KLHL4: variants seen among roughly 807,000 people sequenced by gnomAD.
KLHL4 encodes kelch like family member 4.
KLHL4 carries 17 observed loss-of-function variants against 45.8 expected under a neutral mutation model. The observed-to-expected ratio is 0.37, with a 90% CI of 0.25 to 0.56. KLHL4 has a LOEUF of 0.56. Ranked by LOEUF, KLHL4 falls within the 20% of genes least tolerant of loss-of-function variation. The probability of loss-of-function intolerance (pLI) is 0.79; values close to 1 mark genes in which losing one functional copy is unlikely to be tolerated. For synonymous variants in KLHL4, 224 were observed against 189.9 expected (o/e 1.18, Z -1.47); for missense variants, 544 against 544.9 (o/e 1.00, Z 0.02).
chrX:87,626,856 A>G lies in KLHL4; in HGVS notation c.1324+1060A>G, dbSNP rs761719071. On this transcript the variant is annotated intron_variant, in intron 6 of 10. Transcript: ENST00000373119. ...TGCTGGCCACTTGTAGAAAGAAGCC[A>G]TAATAACAAGAGTGAGGTGCGATAA... is the stretch of plus-strand genomic sequence containing the variant. Among the ~76,000 whole-genome samples, 146 of 111,717 alleles carry G rather than the reference A, an allele frequency of 1.3e-3. 1 individual carries two copies. The highest frequency in any genetic ancestry group is 2.3e-3 in the Non-Finnish European group (122 of 53,125).
At chrX:87,616,264 G>A (rs1176087823) in intron 3 of KLHL4, among the ~76,000 whole-genome samples, 2 of 110,966 alleles carry the variant, frequency 1.8e-5, no homozygotes, top group African/African-American at 6.5e-5. Context: ...TGTAACTCTA[G>A]CGGTATGCAT....
At chrX:87,557,616 TA>T (rs1275285494) in intron 1 of KLHL4, among the ~76,000 whole-genome samples, 15 of 94,203 alleles carry the variant, frequency 1.6e-4, no homozygotes, top group Middle Eastern at 5.0e-3. Flanking sequence ...AAATGTTTAT[TA>T]TTTTTTTTGC....
At chrX:87,553,931 A>C (rs1470302352) in intron 1 of KLHL4, among the ~76,000 whole-genome samples, 1 of 109,201 alleles carries the variant, frequency 9.2e-6, no homozygotes, top group Non-Finnish European at 1.9e-5. Context: ...TCAGCTTTCT[A>C]CATATGGCTA....
At chrX:87,647,394 G>A (rs1206155080) in intron 9 of KLHL4, among the ~76,000 whole-genome samples, 2 of 111,654 alleles carry the variant, frequency 1.8e-5, no homozygotes, top group African/African-American at 3.2e-5. Flanking sequence ...GGTATCTATC[G>A]AGAGGAAAAG....
chrX:87,580,247 T>A (rs5969265), intron 1 of KLHL4, among the ~76,000 whole-genome samples: 45,899 of 105,705 alleles, frequency 0.43, 7,677 homozygotes, highest in East Asian at 0.76. Flanking sequence ...AAGGAATTAA[T>A]GCATATCACT....
intron 10 of KLHL4, among the ~76,000 whole-genome samples, 181 bp from the exon 11 acceptor site, chrX:87,666,294 A>T (rs932239971): frequency 9.0e-6 from 1 of 111,629 alleles, no homozygotes; most frequent in African/African-American, 3.2e-5. Flanking sequence ...TTACCATTCT[A>T]AAGGCTATGT....
intron 1 of KLHL4, among the ~76,000 whole-genome samples, chrX:87,608,089 A>T (rs1313368740): frequency 8.9e-6 from 1 of 111,765 alleles, no homozygotes; most frequent in Non-Finnish European, 1.9e-5. Context: ...AAACCTAGAA[A>T]TCATCTTTGG....
intron 3 of KLHL4, 151 bp from the exon 4 acceptor site, chrX:87,617,781 C>G (rs1922606456): frequency 1.8e-5 from 8 of 438,731 alleles, no homozygotes; most frequent in Admixed American, 4.1e-5. Flanking sequence ...CAGACAGACT[C>G]TCTTGCGTAT....
chrX:87,565,157 G>A (rs1470899421), intron 1 of KLHL4, among the ~76,000 whole-genome samples: 2 of 111,721 alleles, frequency 1.8e-5, no homozygotes, highest in African/African-American at 3.2e-5. Flanking sequence ...GGGGTGCAGT[G>A]AAAGCAGTGA....
At chrX:87,657,873 T>G (rs757461994) in intron 9 of KLHL4, among the ~76,000 whole-genome samples, 1 of 111,780 alleles carries the variant, frequency 8.9e-6, no homozygotes, top group African/African-American at 3.3e-5. Context: ...CAGGTGCAAG[T>G]GCTAGCCCTG....
At chrX:87,648,539 A>G (rs1219686927) in intron 9 of KLHL4, among the ~76,000 whole-genome samples, 1 of 111,530 alleles carries the variant, frequency 9.0e-6, no homozygotes, top group African/African-American at 3.3e-5. Flanking sequence ...AGGCAGAGGG[A>G]AAATTAAACT....
chrX:87,596,974 G>A (rs1386123441), intron 1 of KLHL4, among the ~76,000 whole-genome samples: 1 of 112,444 alleles, frequency 8.9e-6, no homozygotes. Context: ...TCTAGAAAGA[G>A]ATTGGTTTTG....
At chrX:87,611,589 C>A (rs1454214184) in intron 1 of KLHL4, among the ~76,000 whole-genome samples, 2 of 110,434 alleles carry the variant, frequency 1.8e-5, no homozygotes, top group East Asian at 5.6e-4. Context: ...AAAAAGTATA[C>A]CACATACAAT....
At chrX:87,616,124 A>T (rs765323882) in intron 3 of KLHL4, among the ~76,000 whole-genome samples, 1 of 111,256 alleles carries the variant, frequency 9.0e-6, no homozygotes, top group African/African-American at 3.3e-5. Flanking sequence ...TGGAAAGGAC[A>T]CTGGGAAAGT....
chrX:87,631,758 AAC>A (rs750199674), intron 6 of KLHL4, among the ~76,000 whole-genome samples: 7 of 111,538 alleles, frequency 6.3e-5, no homozygotes, highest in African/African-American at 2.3e-4. Flanking sequence ...CATACACACA[AAC>A]ACACACACAC....
intron 1 of KLHL4, among the ~76,000 whole-genome samples, chrX:87,544,847 T>C (rs1931639723): frequency 9.0e-6 from 1 of 111,254 alleles, no homozygotes; most frequent in Non-Finnish European, 1.9e-5. Flanking sequence ...TACAAATAAG[T>C]CCAGTCAGTG....
intron 1 of KLHL4, among the ~76,000 whole-genome samples, chrX:87,594,336 C>T (rs965304804): frequency 9.0e-6 from 1 of 111,601 alleles, no homozygotes; most frequent in Non-Finnish European, 1.9e-5. Flanking sequence ...TATATATTGA[C>T]ATTCAATGGC....
chrX:87,650,128 T>A (rs1221084082), intron 9 of KLHL4, among the ~76,000 whole-genome samples: 1 of 110,970 alleles, frequency 9.0e-6, no homozygotes, highest in Non-Finnish European at 1.9e-5. Flanking sequence ...AATGACAGGG[T>A]CTCCATCTGT....
intron 9 of KLHL4, among the ~76,000 whole-genome samples, chrX:87,639,719 G>A (rs1194944074): frequency 9.0e-6 from 1 of 110,730 alleles, no homozygotes; most frequent in East Asian, 2.8e-4. Context: ...GGTTCTAAGA[G>A]GAAAGTTCAT....
Sources: gnomAD v4.1 joint callset for allele counts (sites outside exome capture counted in the v4.1 genomes callset) on GRCh38, gnomAD v4.1.1 for gene constraint, MANE v1.5 for transcripts, NCBI Gene and HGNC (gene_info 2026-07-23, HGNC 2026-07-21) for gene names.